POSTN: variants seen among roughly 807,000 people sequenced by gnomAD.
The protein encoded by POSTN is osteoblast specific factor 2 (fasciclin I-like).
In POSTN, 71 loss-of-function variants were observed where a neutral mutation model predicts 104.5. The ratio of observed to expected loss-of-function variants is 0.68; its 90% CI spans 0.56 to 0.83. POSTN has a LOEUF of 0.83. Among genes scored for constraint, POSTN ranks in the 40% least tolerant of loss-of-function variants. The pLI is 0.00. For synonymous variants in POSTN, 355 were observed against 340.7 expected, an observed-to-expected ratio of 1.04 and a Z score of -0.46; for missense variants, 949 against 1,006.8, an observed-to-expected ratio of 0.94 and a Z score of 0.78.
intron 9 of POSTN, among the ~76,000 whole-genome samples, chr13:37,583,438 G>A (rs1213613796): frequency 7.7e-6 from 1 of 130,426 alleles, no homozygotes; most frequent in Non-Finnish European, 1.6e-5. Context: ...TTTTTTTTAA[G>A]TTTCGTTTTT....
In POSTN at chr13:37,586,776, A is replaced by T; in HGVS notation, c.753+6T>A. ...ATGACTCAAGACAATCTGCTCTTGG[A>T]CTTACTCTAAAAGATGAAAGGTCAT... On this transcript the variant is annotated splice_donor_region_variant and intron_variant, in intron 6 of 22. Transcript: ENST00000379747. The T allele has an allele frequency of 6.2e-7, 1 of 1,610,828 alleles. No individual in the cohort carries two copies. Among genetic ancestry groups the T allele is most frequent in the Admixed American group, 1.7e-5 (1 of 59,668 alleles).
At chr13:37,579,815 G>T (rs909188391) in intron 12 of POSTN, 46 bp downstream of exon 12, 4 of 1,583,028 alleles carry the variant, frequency 2.5e-6, no homozygotes, top group East Asian at 2.2e-5. Flanking sequence ...AAAGAAGTGA[G>T]ATCCTGAAAT....
intron 12 of POSTN, 135 bp from the exon 13 acceptor site, chr13:37,579,494 A>G: frequency 1.3e-6 from 1 of 757,638 alleles, no homozygotes; most frequent in Non-Finnish European, 2.1e-6. Context: ...TCAAGTAGAT[A>G]TCGATGCTAT....
At position 37,569,755 on chromosome 13, in the gene POSTN, A is replaced by C; in HGVS notation, c.2336T>G (p.Leu779Trp). 1 of 1,597,236 alleles carries C rather than the reference A, an allele frequency of 6.3e-7. No individual in the cohort carries two copies. Among genetic ancestry groups the C allele is most frequent in the South Asian group, 1.1e-5 (1 of 90,762 alleles). The change falls in exon 20 of 23, where the codon TTG becomes TGG. Residue 779 changes from leucine (L) to tryptophan (W), a missense_variant. Leu to Trp is a moderately conservative substitution (Grantham distance 61). Coordinates refer to ENST00000379747, the MANE Select transcript of POSTN (RefSeq NM_006475.3). Reference sequence around the variant, plus strand: ...CTAGAAATGCTGACCTTCTTGTAACAATTTCTTCAGAGTTTCTTCTGTTTC... The same window carrying C: ...CTAGAAATGCTGACCTTCTTGTAACCATTTCTTCAGAGTTTCTTCTGTTTC... ...GGETEETLKK[L>W]LQEEVTKVTK...
chr13:37,566,646 A>G (rs900205527), intron 21 of POSTN, among the ~76,000 whole-genome samples: 2 of 152,214 alleles, frequency 1.3e-5, no homozygotes, highest in Admixed American at 1.3e-4. Context: ...TATAGAGGTT[A>G]CAAATCTTAA....
chr13:37,569,537 A>T, intron 20 of POSTN, 154 bp from the exon 21 acceptor site: 1 of 804,032 alleles, frequency 1.2e-6, no homozygotes, highest in Non-Finnish European at 2.1e-6. Flanking sequence ...TGACATACTA[A>T]TATTCTTATA....
chr13:37,574,743 T>C, intron 16 of POSTN, 91 bp from the exon 17 acceptor site: 1 of 1,429,056 alleles, frequency 7.0e-7, no homozygotes. Context: ...TTTGTCTCTG[T>C]AGGATACTAA....
At chr13:37,591,040 A>T (rs1359659503) in intron 3 of POSTN, among the ~76,000 whole-genome samples, 4 of 151,996 alleles carry the variant, frequency 2.6e-5, no homozygotes, top group Non-Finnish European at 5.9e-5. Context: ...CAGTCAACTT[A>T]TTTTTTCTGA....
chr13:37,586,336 T>C (rs1950745056), intron 6 of POSTN, 56 bp from the exon 7 acceptor site: 2 of 1,549,698 alleles, frequency 1.3e-6, no homozygotes, highest in Non-Finnish European at 1.8e-6. Context: ...AGAAAAAGAT[T>C]GCAACACACT....
chr13:37,575,626 A>G (rs1006879942), intron 16 of POSTN, among the ~76,000 whole-genome samples: 2 of 152,154 alleles, frequency 1.3e-5, no homozygotes, highest in East Asian at 3.9e-4. Context: ...ATAACGGGCC[A>G]CACTGAAGCT....
intron 21 of POSTN, among the ~76,000 whole-genome samples, chr13:37,567,776 C>T (rs1476404698): frequency 6.6e-6 from 1 of 152,090 alleles, no homozygotes; most frequent in Non-Finnish European, 1.5e-5. Flanking sequence ...ATGTCATATA[C>T]TTAACTTGTA....
rs71093694 is a variant in POSTN, at chr13:37,567,235, C to CAAAAAA, written c.2431+2059_2431+2064dup. ...TGGGCGACAGAGCGAGACTCCGTCT[C>CAAAAAA]AAAAAAAAAAAAAAAAAATGTACTA... On this transcript the variant is annotated intron_variant, in intron 21 of 22. Coordinates refer to ENST00000379747, the MANE Select transcript of POSTN (RefSeq NM_006475.3). Among the ~76,000 whole-genome samples, 23 of 36,928 alleles carry CAAAAAA rather than the reference C, an allele frequency of 6.2e-4. 1 individual carries two copies. The highest frequency in any genetic ancestry group is 2.4e-3 in the African/African-American group (18 of 7,524). The allele number at this position is 36,928 out of a possible 152,430, so 24.2% of individuals were successfully genotyped here.
intron 4 of POSTN, among the ~76,000 whole-genome samples, chr13:37,588,473 C>T (rs947025674): frequency 3.3e-5 from 5 of 152,058 alleles, no homozygotes; most frequent in Non-Finnish European, 7.4e-5. Context: ...TTACTCAATG[C>T]TATGGGAAAT....
At chr13:37,583,882 C>A (rs1950670771) in intron 9 of POSTN, 87 bp downstream of exon 9, 1 of 1,488,754 alleles carries the variant, frequency 6.7e-7, no homozygotes, top group African/African-American at 1.4e-5. Context: ...CCTCCTAAAA[C>A]ATTTATTGTT....
chr13:37,570,359 G>A (rs1414291334), intron 19 of POSTN, among the ~76,000 whole-genome samples: 10 of 151,678 alleles, frequency 6.6e-5, no homozygotes, highest in African/African-American at 2.4e-4. Flanking sequence ...ATGCATACAT[G>A]TAATAAAAAC....
intron 15 of POSTN, among the ~76,000 whole-genome samples, 198 bp from the exon 16 acceptor site, chr13:37,577,996 CAG>C (rs71688005): frequency 0.2 from 30,286 of 151,852 alleles, 3,666 homozygotes; most frequent in Non-Finnish European, 0.27. Context: ...ATTCATTACT[CAG>C]AGATTTAAAA....
At position 37,578,823 on chromosome 13, in the gene POSTN, A is replaced by C. The variant is rs757575679; in HGVS notation, c.1962+21T>G. ...CAAAAAAAAAAAAAAAAAAAGAAAT[A>C]AATCAAGTAACTTTTAGTACCTTAA... On this transcript the variant is annotated intron_variant, in intron 15 of 22. Coordinates refer to ENST00000379747, the MANE Select transcript of POSTN (RefSeq NM_006475.3). 18 of 1,518,518 alleles carry C rather than the reference A, an allele frequency of 1.2e-5. No individual in the cohort carries two copies. In the East Asian group the frequency reaches 3.3e-4, roughly 27 times the overall value. 94.1% of individuals were successfully genotyped at this position (1,518,518 alleles called of 1,614,324 possible).
At position 37,579,125 on chromosome 13, in the gene POSTN, T is replaced by A; in HGVS notation, c.1792-4A>T. 1 of 1,611,512 alleles carries A rather than the reference T, an allele frequency of 6.2e-7. No homozygotes were observed. Among genetic ancestry groups the A allele is most frequent in the Non-Finnish European group, 8.5e-7 (1 of 1,178,410 alleles). On this transcript the variant is annotated splice_region_variant and splice_polypyrimidine_tract_variant and intron_variant, in intron 13 of 22. Coordinates refer to ENST00000379747, the MANE Select transcript of POSTN (RefSeq NM_006475.3). Reference sequence around the variant, plus strand: ...TCACCAGAAGTGTATCATTTACCTATCAAAATAGGAGGCAATTTCAATGAG... The same window carrying A: ...TCACCAGAAGTGTATCATTTACCTAACAAAATAGGAGGCAATTTCAATGAG...
intron 22 of POSTN, 60 bp from the exon 23 acceptor site, chr13:37,563,430 G>A: frequency 1.7e-6 from 2 of 1,177,762 alleles, no homozygotes; most frequent in Non-Finnish European, 2.4e-6. Flanking sequence ...TAAAATTTAA[G>A]AATATATTAT....
Sources: gnomAD v4.1 joint callset for allele counts (sites outside exome capture counted in the v4.1 genomes callset) on GRCh38, gnomAD v4.1.1 for gene constraint, MANE v1.5 for transcripts, NCBI Gene and HGNC (gene_info 2026-07-23, HGNC 2026-07-21) for gene names.